COLGALT2: variants seen among roughly 807,000 people sequenced by gnomAD.
COLGALT2 encodes procollagen galactosyltransferase 2.
COLGALT2 carries 49 observed loss-of-function variants against 73.4 expected under a neutral mutation model. The observed-to-expected ratio is 0.67, with a 90% CI of 0.53 to 0.85. The LOEUF is 0.85. Ranked by LOEUF, COLGALT2 falls within the 40% of genes least tolerant of loss-of-function variation. COLGALT2 has a pLI of 0.00. For missense variants in COLGALT2, 722 were observed against 790.2 expected (o/e 0.91, Z 1.03); for synonymous variants, 295 against 307.6 (o/e 0.96, Z 0.43).
intron 1 of COLGALT2, among the ~76,000 whole-genome samples, chr1:184,027,636 T>C (rs568280289): frequency 6.6e-6 from 1 of 152,326 alleles, no homozygotes; most frequent in East Asian, 1.9e-4. Flanking sequence ...CAATTACTAA[T>C]TTCAACATGA....
At chr1:184,013,950 T>G (rs1011875485) in intron 1 of COLGALT2, among the ~76,000 whole-genome samples, 9 of 152,100 alleles carry the variant, frequency 5.9e-5, no homozygotes, top group African/African-American at 1.2e-4. Context: ...AATGCTTGCA[T>G]GGCGGTGGGA....
intron 1 of COLGALT2, 29 bp downstream of exon 1, chr1:184,037,066 G>A (rs1428368360): frequency 6.8e-7 from 1 of 1,464,210 alleles, no homozygotes; most frequent in Non-Finnish European, 8.9e-7. Context: ...GCGTCCCGCC[G>A]CGGCGGCCCG....
At chr1:183,994,258 TTG>T in intron 1 of COLGALT2, among the ~76,000 whole-genome samples, 1 of 152,056 alleles carries the variant, frequency 6.6e-6, no homozygotes, top group Admixed American at 6.5e-5. Flanking sequence ...CAGAATGGTC[TTG>T]ATCTCCTGAC....
intron 1 of COLGALT2, among the ~76,000 whole-genome samples, chr1:183,995,093 A>G (rs1262811399): frequency 6.6e-6 from 1 of 152,058 alleles, no homozygotes; most frequent in Non-Finnish European, 1.5e-5. Context: ...TAAACATTAG[A>G]AAAAAAACAA....
chr1:183,973,582 T>C, intron 4 of COLGALT2, 34 bp downstream of exon 4: 2 of 1,613,248 alleles, frequency 1.2e-6, no homozygotes, highest in East Asian at 2.2e-5. Context: ...TTGTTAAAAC[T>C]AGTAGCCTTA....
intron 1 of COLGALT2, among the ~76,000 whole-genome samples, chr1:184,012,838 C>G (rs10797932): frequency 0.17 from 25,268 of 152,156 alleles, 2,429 homozygotes; most frequent in East Asian, 0.43. Flanking sequence ...AATAAAGTGG[C>G]TATTGATGTG....
chr1:183,952,397 C>G (rs1572634329), intron 7 of COLGALT2, among the ~76,000 whole-genome samples: 1 of 152,104 alleles, frequency 6.6e-6, no homozygotes, highest in East Asian at 1.9e-4. Context: ...TAGGGAGGTG[C>G]ACAAACTCAT....
Position 184,005,631 on chromosome 1 carries a change from C to T in COLGALT2, c.264-27111G>A, listed in dbSNP as rs376989885. Among the ~76,000 whole-genome samples, 57 of 152,308 alleles carry T rather than the reference C, an allele frequency of 3.7e-4. No homozygotes were observed. In the South Asian group the frequency reaches 7.2e-3, roughly 19 times the overall value. On this transcript the variant is annotated intron_variant, in intron 1 of 11. Transcript: ENST00000361927. ...CTGCAAGCTTTCTCAGCACTCTGCA[C>T]AGCCCATCCACACTCTGCCTCTCCG...
intron 1 of COLGALT2, among the ~76,000 whole-genome samples, chr1:184,027,742 G>C (rs1649372921): frequency 6.6e-6 from 1 of 152,178 alleles, no homozygotes; most frequent in Admixed American, 6.5e-5. Flanking sequence ...TCCATAGTTT[G>C]TCTTGCTAAA....
intron 10 of COLGALT2, among the ~76,000 whole-genome samples, chr1:183,941,778 G>T (rs927601818): frequency 6.6e-6 from 1 of 152,122 alleles, no homozygotes; most frequent in Non-Finnish European, 1.5e-5. Flanking sequence ...AGCTTCTCTC[G>T]TGTCTCATCC....
chr1:183,978,224 G>A (rs1248002174), intron 2 of COLGALT2, among the ~76,000 whole-genome samples, 186 bp downstream of exon 2: 1 of 152,166 alleles, frequency 6.6e-6, no homozygotes, highest in Non-Finnish European at 1.5e-5. Context: ...AGCTGTGGGA[G>A]TAAACAGCAA....
At chr1:184,012,539 TAGC>T (rs1302060473) in intron 1 of COLGALT2, among the ~76,000 whole-genome samples, 1 of 152,238 alleles carries the variant, frequency 6.6e-6, no homozygotes, top group East Asian at 1.9e-4. Flanking sequence ...TTACTGAACT[TAGC>T]AGTATAATCA....
Position 183,937,525 on chromosome 1 carries a change from G to A in COLGALT2, c.*1236C>T. ...CCCTGGTTGCTGGCCTAAATCAGGT[G>A]ACCAGCCCTTTGTTTCTGACCAGGT... is the stretch of plus-strand genomic sequence containing the variant. On this transcript the variant is annotated 3_prime_UTR_variant, in exon 12 of 12. Transcript: ENST00000361927. 4 of 985,386 alleles carry A rather than the reference G, an allele frequency of 4.1e-6. No individual in the cohort carries two copies. The highest frequency in any genetic ancestry group is 4.8e-6 in the Non-Finnish European group (4 of 829,952). 61.0% of individuals were successfully genotyped at this position (985,386 alleles called of 1,614,324 possible).
At position 183,969,410 on chromosome 1, in the gene COLGALT2, G is replaced by A; in HGVS notation, c.691C>T (p.Pro231Ser). 1 of 1,613,898 alleles carries A rather than the reference G, an allele frequency of 6.2e-7. No homozygotes were observed. The highest frequency in any genetic ancestry group is 2.2e-5 in the East Asian group (1 of 44,880). ...AAGGTGGAGTGGACCATGGGGACGG[G>A]GAAGCAGCCTGTCCTCTTCCATTCT... ...IREWKRTGCF[P>S]VPMVHSTFLI... The change falls in exon 5 of 12, where the codon CCC becomes TCC. Residue 231 changes from proline to serine, a missense_variant. Transcript: ENST00000361927.
chr1:184,033,979 T>G (rs1649591814), intron 1 of COLGALT2, among the ~76,000 whole-genome samples: 1 of 152,254 alleles, frequency 6.6e-6, no homozygotes, highest in Admixed American at 6.5e-5. Flanking sequence ...CTTTGCAGAA[T>G]GGATACTAAT....
intron 1 of COLGALT2, among the ~76,000 whole-genome samples, chr1:183,998,130 G>A (rs1467076055): frequency 6.6e-6 from 1 of 152,182 alleles, no homozygotes; most frequent in African/African-American, 2.4e-5. Flanking sequence ...AGCAGTATAT[G>A]CAAGTGTCTA....
intron 2 of COLGALT2, among the ~76,000 whole-genome samples, chr1:183,977,565 C>T (rs541042969): frequency 4.6e-5 from 7 of 151,942 alleles, no homozygotes; most frequent in African/African-American, 9.7e-5. Context: ...GTGGGAGGAT[C>T]GCTTGAGGCC....
chr1:183,986,638 T>C (rs1316944154), intron 1 of COLGALT2, among the ~76,000 whole-genome samples: 1 of 150,602 alleles, frequency 6.6e-6, no homozygotes, highest in Admixed American at 6.6e-5. Context: ...ATTAAACATA[T>C]TATAATTGAG....
chr1:183,950,900 T>G lies in COLGALT2; in HGVS notation c.1136+107A>C. Reference sequence around the variant, plus strand: ...GGCCGTTTTGAAAATAAGACTATCCTCTAATGACCGAAGAGACTTAGAGCC... The same window carrying G: ...GGCCGTTTTGAAAATAAGACTATCCGCTAATGACCGAAGAGACTTAGAGCC... On this transcript the variant is annotated intron_variant, in intron 8 of 11. Transcript: ENST00000361927. 6.4e-6 allele frequency: 5 copies of G among 780,962 alleles called. No individual in the cohort carries two copies. In the East Asian group the frequency reaches 1.2e-4, roughly 19 times the overall value. 48.4% of individuals were successfully genotyped at this position (780,962 alleles called of 1,614,324 possible). A position where few individuals can be genotyped will look rare whatever the true frequency, so the allele number is the denominator to read the frequency against.
Sources: allele counts gnomAD v4.1 joint callset (sites outside exome capture counted in the v4.1 genomes callset), GRCh38; gene constraint gnomAD v4.1.1; transcripts MANE v1.5; gene names NCBI Gene and HGNC (gene_info 2026-07-23, HGNC 2026-07-21).